Variants in CDKL5 observed in about 807,000 individuals in gnomAD.
CDKL5 encodes the protein cyclin-dependent kinase-like 5.
A neutral mutation model predicts 61.7 loss-of-function variants in CDKL5; 8 were observed. The ratio of observed to expected loss-of-function variants is 0.13; its 90% CI spans 0.08 to 0.23. CDKL5 has a LOEUF of 0.23. CDKL5 is among the 10% of genes least tolerant of loss of function. The probability of loss-of-function intolerance (pLI) is 1.00; values close to 1 mark genes in which losing one functional copy is unlikely to be tolerated. For missense variants in CDKL5, 440 were observed against 734.5 expected, an observed-to-expected ratio of 0.60 and a Z score of 4.63; for synonymous variants, 275 against 272.3, an observed-to-expected ratio of 1.01 and a Z score of -0.10.
intron 1 of CDKL5, chrX:18,426,655 T>C (rs1256471817): frequency 8.9e-6 from 1 of 112,657 alleles, no homozygotes; most frequent in Non-Finnish European, 1.9e-5. Flanking sequence ...GAATTTAAGC[T>C]GATTTTAGAA....
intron 10 of CDKL5, among the ~76,000 whole-genome samples, chrX:18,596,365 G>T (rs1041435285): frequency 9.0e-6 from 1 of 111,185 alleles, no homozygotes; most frequent in African/African-American, 3.3e-5. Flanking sequence ...TTTCGGAAAG[G>T]CCACATACCA....
chrX:18,451,106 A>G (rs767620477), intron 1 of CDKL5, among the ~76,000 whole-genome samples: 8 of 111,900 alleles, frequency 7.1e-5, no homozygotes, highest in African/African-American at 9.7e-5. Flanking sequence ...CAACCTTGGT[A>G]GGTATAGAGT....
At chrX:18,543,252 A>G (rs1251798345) in intron 3 of CDKL5, among the ~76,000 whole-genome samples, 1 of 108,226 alleles carries the variant, frequency 9.2e-6, no homozygotes, top group Non-Finnish European at 1.9e-5. Context: ...TTGTTAGCCT[A>G]CCCTTTTCCT....
chrX:18,483,058 A>C (rs993710907), intron 1 of CDKL5, among the ~76,000 whole-genome samples: 4 of 111,941 alleles, frequency 3.6e-5, no homozygotes, highest in Non-Finnish European at 5.6e-5. Context: ...AATCCATTTA[A>C]ATGTAGGCTC....
In CDKL5 at chrX:18,506,999, T is replaced by G. The variant is rs1922599861; in HGVS notation, c.-98T>G. ...AAGTTCCCACCAACCAGTGAGAATT[T>G]CTTCCTTCAGACGGTTTTGGATCTT... On this transcript the variant is annotated 5_prime_UTR_variant, in exon 2 of 18. Transcript: ENST00000623535. 1.6e-6 allele frequency: 1 copy of G among 615,456 alleles called. No individual in the cohort carries two copies. Among genetic ancestry groups the G allele is most frequent in the Non-Finnish European group, 2.8e-6 (1 of 357,576 alleles). 50.7% of individuals were successfully genotyped at this position (615,456 alleles called of 1,213,427 possible).
intron 3 of CDKL5, among the ~76,000 whole-genome samples, chrX:18,559,454 ACCT>A (rs1481331522): frequency 9.1e-6 from 1 of 109,645 alleles, no homozygotes; most frequent in Non-Finnish European, 1.9e-5. Context: ...TGATCCGCCC[ACCT>A]CGGCCTCTCA....
chrX:18,525,160 C>A (rs1260439260), intron 3 of CDKL5, among the ~76,000 whole-genome samples: 1 of 111,270 alleles, frequency 9.0e-6, no homozygotes, highest in Non-Finnish European at 1.9e-5. Flanking sequence ...AGTGCAGTGG[C>A]GCAATCTTGG....
chrX:18,579,743 A>T, intron 5 of CDKL5, 105 bp from the exon 6 acceptor site: 1 of 779,452 alleles, frequency 1.3e-6, no homozygotes, highest in Non-Finnish European at 1.9e-6. Flanking sequence ...ATTAAAAAAA[A>T]AAGCTCTGTA....
chrX:18,485,806 G>A (rs1303909051), intron 1 of CDKL5, among the ~76,000 whole-genome samples: 2 of 111,957 alleles, frequency 1.8e-5, no homozygotes, highest in Non-Finnish European at 3.8e-5. Context: ...TTTTGGTTTG[G>A]TAACTTGGAA....
chrX:18,555,844 T>G (rs772990207), intron 3 of CDKL5, among the ~76,000 whole-genome samples: 2 of 112,482 alleles, frequency 1.8e-5, no homozygotes, highest in East Asian at 5.6e-4. Context: ...AGTTGACTGA[T>G]TGAAACGCTC....
rs752656412 is a variant in CDKL5 at position 18,647,284 on chromosome X, G to A, written c.2797+1194G>A. 7.4e-6 allele frequency: 9 copies of A among 1,208,506 alleles called. No individual in the cohort carries two copies. In the Admixed American group the frequency reaches 1.1e-4, roughly 15 times the overall value. ...CGGGTTAGAGCAGGTGATCTGGTCC[G>A]GTGTGACCTCCCCTGACTCGAAACC... is the stretch of plus-strand genomic sequence containing the variant. On this transcript the variant is annotated intron_variant, in intron 20 of 21. Coordinates refer to the CDKL5 transcript ENST00000379989.
rs1200147518 is a variant in CDKL5, at chrX:18,630,852, G to C, written c.*2095G>C. 4.0e-5 allele frequency: 30 copies of C among 746,862 alleles called. No individual in the cohort carries two copies. Among genetic ancestry groups the C allele is most frequent in the Non-Finnish European group, 4.1e-5 (26 of 637,519 alleles). 61.5% of individuals were successfully genotyped at this position (746,862 alleles called of 1,213,427 possible). On this transcript the variant is annotated 3_prime_UTR_variant, in exon 18 of 18. Transcript: ENST00000623535. ...CTCTGAATTCTGGCTTTTCCAGGCA[G>C]CTGCTTGATGATACAAATGAGGTGG...
chrX:18,557,319 A>C (rs1358110216), intron 3 of CDKL5, among the ~76,000 whole-genome samples: 1 of 112,114 alleles, frequency 8.9e-6, no homozygotes, highest in African/African-American at 3.2e-5. Context: ...ACATTGTACT[A>C]GGTAGTATAA....
At chrX:18,514,171 A>G (rs1170968197) in intron 3 of CDKL5, among the ~76,000 whole-genome samples, 1 of 111,496 alleles carries the variant, frequency 9.0e-6, no homozygotes, top group Non-Finnish European at 1.9e-5. Flanking sequence ...TGTGCATAGA[A>G]TATGATGTTG....
intron 3 of CDKL5, among the ~76,000 whole-genome samples, chrX:18,555,221 G>A (rs929378139): frequency 1.2e-4 from 13 of 110,851 alleles, no homozygotes; most frequent in Non-Finnish European, 2.1e-4. Context: ...AGCGCCCCCA[G>A]CCTATGTGAC....
rs868575044 is a variant in CDKL5, at chrX:18,528,237, A to T, written c.99+17383A>T. Among the ~76,000 whole-genome samples, 596 of 67,771 alleles carry T rather than the reference A, an allele frequency of 8.8e-3. 4 individuals carry two copies. Among genetic ancestry groups the T allele is most frequent in the African/African-American group, 0.026 (457 of 17,825 alleles). 58.9% of individuals were successfully genotyped at this position (67,771 alleles called of 115,157 possible). Reference sequence around the variant, plus strand: ...GTTCAATTCATAGATACCCATACTCATTTTTTTTTTTTTTTTTTTTTTGCC... The same window carrying T: ...GTTCAATTCATAGATACCCATACTCTTTTTTTTTTTTTTTTTTTTTTTGCC... On this transcript the variant is annotated intron_variant, in intron 3 of 17. Coordinates refer to ENST00000623535, the MANE Select transcript of CDKL5 (RefSeq NM_001323289.2).
intron 1 of CDKL5, among the ~76,000 whole-genome samples, chrX:18,450,647 T>C (rs1931991199): frequency 9.0e-6 from 1 of 111,294 alleles, no homozygotes; most frequent in Non-Finnish European, 1.9e-5. Context: ...CAGTCTTGGC[T>C]CACTGCAACC....
At position 18,517,929 on chromosome X, in the gene CDKL5, C is replaced by T. The variant is rs1034966069; in HGVS notation, c.99+7075C>T. ...AGGCCGAGGCAGAATTGCTTGAACC[C>T]GGGAGGCGGAGGTTGCAGTGAGCGG... On this transcript the variant is annotated intron_variant, in intron 3 of 17. Coordinates refer to ENST00000623535, the MANE Select transcript of CDKL5 (RefSeq NM_001323289.2). 8.1e-5 allele frequency among the ~76,000 whole-genome samples: 9 copies of T among 111,080 alleles called. No homozygotes were observed. In the Admixed American group the frequency reaches 8.6e-4, roughly 11 times the overall value.
chrX:18,563,697 G>T (rs1342672476), intron 3 of CDKL5, among the ~76,000 whole-genome samples: 2 of 111,634 alleles, frequency 1.8e-5, no homozygotes, highest in Non-Finnish European at 3.8e-5. Context: ...TCATTCAGAA[G>T]GCTTTTATAT....
Sources: allele counts gnomAD v4.1 joint callset (sites outside exome capture counted in the v4.1 genomes callset), GRCh38; gene constraint gnomAD v4.1.1; transcripts MANE v1.5; gene names NCBI Gene and HGNC (gene_info 2026-07-23, HGNC 2026-07-21).